Variants in PPARGC1A observed in about 807,000 individuals in gnomAD.
PPARGC1A encodes the protein PPARG coactivator 1 alpha, also known as peroxisome proliferator-activated receptor gamma coactivator 1-alpha.
PPARGC1A carries 25 observed loss-of-function variants against 88.7 expected under a neutral mutation model. The observed-to-expected ratio is 0.28, with a 90% CI of 0.21 to 0.39. The LOEUF (loss-of-function observed/expected upper bound fraction) is 0.39, where lower values mean the gene tolerates loss of function less well. Among genes scored for constraint, PPARGC1A ranks in the 10% least tolerant of loss-of-function variants. The pLI is 1.00. For synonymous variants in PPARGC1A, 363 were observed against 355.6 expected (o/e 1.02, Z -0.24); for missense variants, 880 against 968.7 (o/e 0.91, Z 1.22).
the PPARGC1A span, among the ~76,000 whole-genome samples, chr4:24,358,753 G>A: frequency 6.6e-6 from 1 of 152,286 alleles, no homozygotes; most frequent in South Asian, 2.1e-4. Context: ...CAGAACTGAG[G>A]CCCACCAGGT....
the PPARGC1A span, among the ~76,000 whole-genome samples, chr4:24,116,814 A>G: frequency 5.9e-5 from 9 of 152,138 alleles, no homozygotes; most frequent in African/African-American, 1.9e-4. Context: ...CAGACCTTCA[A>G]ACTCCTAACC....
intron 2 of PPARGC1A, chr4:23,883,739 C>G (rs930000198): frequency 1.3e-5 from 2 of 152,174 alleles, no homozygotes; most frequent in Non-Finnish European, 2.9e-5. Flanking sequence ...ATCATTCTCT[C>G]ATGATTTAAC....
the PPARGC1A span, among the ~76,000 whole-genome samples, chr4:23,990,789 A>G: frequency 4.6e-5 from 7 of 152,086 alleles, no homozygotes; most frequent in Non-Finnish European, 1.0e-4. Context: ...ACCTACATCC[A>G]TTTGTAATCA....
intron 2 of PPARGC1A, among the ~76,000 whole-genome samples, chr4:23,876,261 T>C (rs1026892311): frequency 2.0e-5 from 3 of 152,218 alleles, no homozygotes; most frequent in African/African-American, 7.2e-5. Context: ...TTGGTAATAA[T>C]ACAAAAGGCC....
chr4:24,424,711 A>G, the PPARGC1A span, among the ~76,000 whole-genome samples: 1 of 152,210 alleles, frequency 6.6e-6, no homozygotes, highest in Non-Finnish European at 1.5e-5. Context: ...TGCACTATAA[A>G]AAGCATAATT....
chr4:23,905,095 A>C (rs1370375385), upstream of PPARGC1A, among the ~76,000 whole-genome samples: 2 of 152,156 alleles, frequency 1.3e-5, no homozygotes, highest in African/African-American at 2.4e-5. Flanking sequence ...TCGACTTCAG[A>C]ATCTATTTTG....
rs1365320695 is a variant in PPARGC1A, at chr4:23,828,060, T to TA, written c.757+339dup. ...TGGAAGGGAAAAAATAAAAGCTCTA[T>TA]AATGAATTGGTTAGCCCAGCTTGTT... On this transcript the variant is annotated intron_variant, in intron 5 of 12. Coordinates refer to ENST00000264867, the MANE Select transcript of PPARGC1A (RefSeq NM_013261.5). Among the ~76,000 whole-genome samples, 8 of 152,316 alleles carry TA rather than the reference T, an allele frequency of 5.3e-5. No homozygotes were observed. In the East Asian group the frequency reaches 1.5e-3, roughly 29 times the overall value.
chr4:24,303,297 T>C, the PPARGC1A span, among the ~76,000 whole-genome samples: 44 of 152,272 alleles, frequency 2.9e-4, no homozygotes, highest in Non-Finnish European at 4.0e-4. Flanking sequence ...ATTATCAACA[T>C]AGAAAGATGT....
chr4:24,189,815 G>T, the PPARGC1A span, among the ~76,000 whole-genome samples: 2 of 152,038 alleles, frequency 1.3e-5, no homozygotes, highest in Non-Finnish European at 1.5e-5. Context: ...TGCCTACTAT[G>T]CTCCACAGTG....
chr4:24,376,025 G>GAAAA, the PPARGC1A span, among the ~76,000 whole-genome samples: 2 of 149,000 alleles, frequency 1.3e-5, no homozygotes, highest in African/African-American at 4.9e-5. Flanking sequence ...ATTGCACCAA[G>GAAAA]AAAAAAAAAA....
At chr4:24,049,252 A>G in the PPARGC1A span, among the ~76,000 whole-genome samples, 7 of 144,442 alleles carry the variant, frequency 4.8e-5, no homozygotes, top group African/African-American at 1.5e-4. Flanking sequence ...ATATACACAT[A>G]TATGTATATA....
At chr4:24,006,500 A>G in the PPARGC1A span, among the ~76,000 whole-genome samples, 1 of 152,240 alleles carries the variant, frequency 6.6e-6, no homozygotes, top group Admixed American at 6.5e-5. Flanking sequence ...GGCTCAAACC[A>G]TTGTTAATCC....
chr4:24,238,745 ATGTGTGTGTGTGTG>A, the PPARGC1A span, among the ~76,000 whole-genome samples: 1,325 of 121,884 alleles, frequency 0.011, 18 homozygotes, highest in African/African-American at 0.029. Flanking sequence ...AAGGTTGTAT[ATGTGTGTGTGTGTG>A]TGTGTGTGTG....
At chr4:24,410,153 T>C in the PPARGC1A span, among the ~76,000 whole-genome samples, 1 of 152,192 alleles carries the variant, frequency 6.6e-6, no homozygotes, top group Non-Finnish European at 1.5e-5. Flanking sequence ...CTGTTACTAT[T>C]GAAAAAATTG....
the PPARGC1A span, among the ~76,000 whole-genome samples, chr4:24,020,624 T>C: frequency 1.3e-5 from 2 of 152,258 alleles, no homozygotes; most frequent in South Asian, 2.1e-4. Context: ...GAGATCGGGA[T>C]GTGAGTAAAA....
chr4:24,226,057 C>T, the PPARGC1A span, among the ~76,000 whole-genome samples: 26 of 152,272 alleles, frequency 1.7e-4, no homozygotes, highest in South Asian at 5.4e-3. Context: ...TTTCCACGCG[C>T]TCACATTGTC....
At chr4:23,919,563 G>A in the PPARGC1A span, among the ~76,000 whole-genome samples, 1,826 of 22,952 alleles carry the variant, frequency 0.08, 47 homozygotes, top group African/African-American at 0.35. Context: ...AAAAAAAAAA[G>A]AAGTGAATTG....
chr4:24,185,026 T>C, the PPARGC1A span, among the ~76,000 whole-genome samples: 1 of 152,180 alleles, frequency 6.6e-6, no homozygotes, highest in Non-Finnish European at 1.5e-5. Context: ...GTATAACAGG[T>C]GGAGAGGCTT....
chr4:23,868,443 CTCTT>C (rs1560478384), intron 2 of PPARGC1A, among the ~76,000 whole-genome samples: 1 of 152,148 alleles, frequency 6.6e-6, no homozygotes, highest in Non-Finnish European at 1.5e-5. Flanking sequence ...TATTCTCTCT[CTCTT>C]TCTGAATTTG....
Sources: allele counts gnomAD v4.1 joint callset (sites outside exome capture counted in the v4.1 genomes callset), GRCh38; gene constraint gnomAD v4.1.1; transcripts MANE v1.5; gene names NCBI Gene and HGNC (gene_info 2026-07-23, HGNC 2026-07-21).